Variants in MCU observed in about 807,000 individuals in gnomAD.
The protein encoded by MCU is calcium uniporter protein, mitochondrial.
Under a neutral mutation model 45.2 loss-of-function variants are expected in MCU, and 12 were observed. The observed-to-expected ratio is 0.27, with a 90% CI of 0.17 to 0.43. The LOEUF is 0.43. Ranked by LOEUF, MCU falls within the 20% of genes least tolerant of loss-of-function variation. MCU has a pLI of 1.00. For synonymous variants in MCU, 160 were observed against 165.1 expected (o/e 0.97, Z 0.24); for missense variants, 324 against 436.7 (o/e 0.74, Z 2.30).
chr10:72,873,175 C>T (rs1158576578), intron 6 of MCU, among the ~76,000 whole-genome samples: 2 of 151,660 alleles, frequency 1.3e-5, no homozygotes, highest in Admixed American at 6.6e-5. Flanking sequence ...CCCGCCACCA[C>T]GCCCGGCTAA....
At chr10:72,860,188 T>G (rs1413390838) in intron 3 of MCU, 3 of 474,724 alleles carry the variant, frequency 6.3e-6, no homozygotes, top group Non-Finnish European at 1.1e-5. Context: ...TGACCATTAA[T>G]TATTTCACTT....
chr10:72,816,729 G>C (rs1363039269), intron 1 of MCU, among the ~76,000 whole-genome samples: 1 of 152,216 alleles, frequency 6.6e-6, no homozygotes. Flanking sequence ...CTGCACTCCA[G>C]CCTGAGTGAC....
At chr10:72,751,067 C>G (rs989743289) in intron 1 of MCU, among the ~76,000 whole-genome samples, 27 of 152,254 alleles carry the variant, frequency 1.8e-4, no homozygotes, top group African/African-American at 6.3e-4. Context: ...GTGGCATGAT[C>G]TCGGCTCACT....
At position 72,806,030 on chromosome 10, in the gene MCU, G is replaced by C. The variant is rs548884741; in HGVS notation, c.151-28329G>C. ...CCAGAAGAATGGGGAAAGGCCTGGAGCCCACAGAGGAGAATGAAGAATATA... is the reference window on the plus strand; with the variant it reads ...CCAGAAGAATGGGGAAAGGCCTGGACCCCACAGAGGAGAATGAAGAATATA... On this transcript the variant is annotated intron_variant, in intron 1 of 7. Transcript: ENST00000373053. Among the ~76,000 whole-genome samples, 474 of 152,186 alleles carry C rather than the reference G, an allele frequency of 3.1e-3. 3 individuals carry two copies. Among genetic ancestry groups the C allele is most frequent in the African/African-American group, 0.011 (449 of 41,506 alleles).
intron 1 of MCU, among the ~76,000 whole-genome samples, chr10:72,814,320 A>G (rs1235933589): frequency 6.6e-6 from 1 of 152,130 alleles, no homozygotes; most frequent in South Asian, 2.1e-4. Flanking sequence ...CTCCAAACAA[A>G]TGTTGTTCCT....
chr10:72,835,117 C>T (rs1217079694), intron 2 of MCU, among the ~76,000 whole-genome samples: 1 of 152,214 alleles, frequency 6.6e-6, no homozygotes, highest in Admixed American at 6.5e-5. Context: ...CTGAGACCTC[C>T]TGCTCTTGCT....
At chr10:72,710,604 A>C (rs2132660044) in intron 1 of MCU, among the ~76,000 whole-genome samples, 1 of 126,222 alleles carries the variant, frequency 7.9e-6, no homozygotes, top group Admixed American at 9.6e-5. Context: ...TAAGGAAATT[A>C]CATTATGTTC....
intron 1 of MCU, chr10:72,693,031 G>A (rs1225833636): frequency 1.3e-6 from 2 of 1,536,200 alleles, no homozygotes; most frequent in Admixed American, 2.0e-5. Flanking sequence ...CCTGAAGCGG[G>A]AAGGGTGGTC....
At chr10:72,805,542 C>T (rs1458948958) in intron 1 of MCU, among the ~76,000 whole-genome samples, 9 of 152,176 alleles carry the variant, frequency 5.9e-5, no homozygotes, top group Admixed American at 2.0e-4. Context: ...CCACCTCACC[C>T]GGCTGCCCTA....
chr10:72,831,235 G>A (rs1291364419), intron 1 of MCU, among the ~76,000 whole-genome samples: 1 of 152,178 alleles, frequency 6.6e-6, no homozygotes, highest in Non-Finnish European at 1.5e-5. Flanking sequence ...GTCAAAAGAT[G>A]TCATTTGAAA....
chr10:72,858,276 T>C (rs1324802459), intron 2 of MCU, among the ~76,000 whole-genome samples: 7 of 152,154 alleles, frequency 4.6e-5, no homozygotes, highest in Non-Finnish European at 2.9e-5. Flanking sequence ...CCTTCATGGG[T>C]CCCGTGTACA....
chr10:72,749,536 T>G (rs1448008310), intron 1 of MCU, among the ~76,000 whole-genome samples: 1 of 152,174 alleles, frequency 6.6e-6, no homozygotes, highest in Non-Finnish European at 1.5e-5. Context: ...TTATAGGGAC[T>G]TGTGTTTGTA....
intron 2 of MCU, among the ~76,000 whole-genome samples, chr10:72,848,069 G>A (rs1845148156): frequency 6.6e-6 from 1 of 152,146 alleles, no homozygotes; most frequent in African/African-American, 2.4e-5. Context: ...GCCCTGATTT[G>A]ATGTGGGTGA....
At chr10:72,726,305 G>A (rs915678688) in intron 1 of MCU, among the ~76,000 whole-genome samples, 27 of 150,650 alleles carry the variant, frequency 1.8e-4, no homozygotes, top group African/African-American at 6.6e-4. Context: ...CTGTAAAATT[G>A]GATCATATTT....
chr10:72,746,986 G>C (rs748358820), intron 1 of MCU, among the ~76,000 whole-genome samples: 13 of 152,160 alleles, frequency 8.5e-5, no homozygotes, highest in Non-Finnish European at 1.6e-4. Context: ...GGCCTTTTCA[G>C]CCTAACTCTG....
At chr10:72,740,393 G>T (rs1241828840) in intron 1 of MCU, among the ~76,000 whole-genome samples, 1 of 148,824 alleles carries the variant, frequency 6.7e-6, no homozygotes. Flanking sequence ...AAAAAAAAAA[G>T]GGTGTTATCT....
chr10:72,703,870 G>C lies in MCU; in HGVS notation c.150+11569G>C, dbSNP rs142335342. On this transcript the variant is annotated intron_variant, in intron 1 of 7. Coordinates refer to ENST00000373053, the MANE Select transcript of MCU (RefSeq NM_138357.3). ...GAGATCACTGCATTCCAGTCTGGGC[G>C]ACAGCAAGACTCTGTCTCAAAACAA... Among the ~76,000 whole-genome samples the C allele has an allele frequency of 2.0e-5, 3 of 151,220 alleles. No individual in the cohort carries two copies. The East Asian group carries it at 5.8e-4, about 29-fold the overall frequency.
intron 4 of MCU, among the ~76,000 whole-genome samples, chr10:72,860,837 C>T (rs1564577190): frequency 6.6e-6 from 1 of 152,144 alleles, no homozygotes; most frequent in South Asian, 2.1e-4. Context: ...GGCCAAAAGT[C>T]ATACTACTTT....
chr10:72,834,557 A>T, intron 2 of MCU, 129 bp downstream of exon 2: 1 of 612,788 alleles, frequency 1.6e-6, no homozygotes, highest in Non-Finnish European at 2.7e-6. Flanking sequence ...GGTCAGAGAG[A>T]GAAAGGAGGA....
Sources: allele counts gnomAD v4.1 joint callset (sites outside exome capture counted in the v4.1 genomes callset), GRCh38; gene constraint gnomAD v4.1.1; transcripts MANE v1.5; gene names NCBI Gene and HGNC (gene_info 2026-07-23, HGNC 2026-07-21).